TBC1D21: variants seen among roughly 807,000 people sequenced by gnomAD.
TBC1D21 encodes the protein male germ cell Rab GTPase-activating protein.
In TBC1D21, 38 loss-of-function variants were observed where a neutral mutation model predicts 46.0. That is an observed-to-expected ratio of 0.83 (90% CI 0.64 to 1.08). TBC1D21 has a LOEUF of 1.08. Ranked by LOEUF, TBC1D21 falls within the 50% of genes least tolerant of loss-of-function variation. The pLI is 0.00. For synonymous variants in TBC1D21, 151 were observed against 157.2 expected (o/e 0.96, Z 0.29); for missense variants, 415 against 417.9 (o/e 0.99, Z 0.06).
At position 73,876,235 on chromosome 15, in the gene TBC1D21, T is replaced by G. The variant is rs1287875506; in HGVS notation, c.60+2466T>G. ...TTTTTTTTTTTTTTTTTTTTTTTTT[T>G]TTTTTTTTTTGAGACGGAGTCTTGC... is the stretch of plus-strand genomic sequence containing the variant. On this transcript the variant is annotated intron_variant, in intron 1 of 10. Coordinates refer to ENST00000300504, the MANE Select transcript of TBC1D21 (RefSeq NM_153356.3). 6.0e-5 allele frequency among the ~76,000 whole-genome samples: 7 copies of G among 116,918 alleles called. No homozygotes were observed. In the East Asian group the frequency reaches 6.6e-4, roughly 11 times the overall value. 76.7% of individuals were successfully genotyped at this position (116,918 alleles called of 152,430 possible). A position where few individuals can be genotyped will look rare whatever the true frequency, so the allele number is the denominator to read the frequency against.
chr15:73,890,785 T>C (rs976595788), downstream of TBC1D21, among the ~76,000 whole-genome samples: 17 of 152,234 alleles, frequency 1.1e-4, no homozygotes, highest in African/African-American at 3.9e-4. Context: ...TTAAAAGCAC[T>C]GGAGCCCCTT....
chr15:73,906,046 G>A, the TBC1D21 span, among the ~76,000 whole-genome samples: 1 of 152,198 alleles, frequency 6.6e-6, no homozygotes, highest in Non-Finnish European at 1.5e-5. Context: ...TCACCAGCAG[G>A]GTGGATGGGA....
rs896034884 is a variant in TBC1D21 at position 73,888,941 on chromosome 15, C to T, written c.979-128C>T. 4.5e-6 allele frequency: 5 copies of T among 1,102,880 alleles called. No individual in the cohort carries two copies. The African/African-American group carries it at 7.7e-5, about 17-fold the overall frequency. 68.3% of individuals were successfully genotyped at this position (1,102,880 alleles called of 1,614,324 possible). On this transcript the variant is annotated intron_variant, in intron 10 of 10. Coordinates refer to ENST00000300504, the MANE Select transcript of TBC1D21 (RefSeq NM_153356.3). ...TACTTGAGAGCAGGGCCCTCATCCC[C>T]CATTCCCTGTGTCCATCCCAGTGGG...
At chr15:73,886,901 TC>T (rs1371643323) in intron 8 of TBC1D21, among the ~76,000 whole-genome samples, 2 of 152,148 alleles carry the variant, frequency 1.3e-5, no homozygotes, top group Non-Finnish European at 2.9e-5. Flanking sequence ...CAGCTCCACT[TC>T]CCCGCTGCCC....
chr15:73,881,806 C>T, intron 3 of TBC1D21, 59 bp downstream of exon 3: 1 of 1,464,188 alleles, frequency 6.8e-7, no homozygotes, highest in Non-Finnish European at 9.5e-7. Context: ...CAGGTGCTGC[C>T]TCCCCAGCCT....
Position 73,885,537 on chromosome 15 carries a change from TCA to T in TBC1D21, c.579+435_579+436del, listed in dbSNP as rs2068229163. On this transcript the variant is annotated intron_variant, in intron 6 of 10. Transcript: ENST00000300504. ...CTGAATTCCAGGCACACCAGGGGACTCAATAGTCCCCAGGGGCTCCCTCACTG... is the reference window on the plus strand; with the variant it reads ...CTGAATTCCAGGCACACCAGGGGACTATAGTCCCCAGGGGCTCCCTCACTG... 5.3e-5 allele frequency among the ~76,000 whole-genome samples: 8 copies of T among 152,172 alleles called. No individual in the cohort carries two copies. In the South Asian group the frequency reaches 1.7e-3, roughly 32 times the overall value.
chr15:73,888,804 C>A (rs2068306785), intron 10 of TBC1D21, among the ~76,000 whole-genome samples: 1 of 152,124 alleles, frequency 6.6e-6, no homozygotes, highest in Non-Finnish European at 1.5e-5. Context: ...GTGCATTCAA[C>A]TTCAGAGACA....
the TBC1D21 span, among the ~76,000 whole-genome samples, chr15:73,904,619 T>C: frequency 6.6e-6 from 1 of 151,964 alleles, no homozygotes; most frequent in Non-Finnish European, 1.5e-5. Flanking sequence ...AGAATCAGCT[T>C]GGGGGAAGGG....
intron 9 of TBC1D21, 103 bp downstream of exon 9, chr15:73,887,839 G>A: frequency 2.2e-6 from 2 of 923,382 alleles, no homozygotes; most frequent in South Asian, 3.0e-5. Flanking sequence ...CTGGGCACCA[G>A]TGCCACCTTT....
At chr15:73,894,106 C>G (rs1372047622), downstream of TBC1D21, among the ~76,000 whole-genome samples, 1 of 152,226 alleles carries the variant, frequency 6.6e-6, no homozygotes, top group Non-Finnish European at 1.5e-5. Flanking sequence ...GGTTACACAG[C>G]TAGTGATTTG....
At chr15:73,883,874 A>G (rs1257340022) in intron 3 of TBC1D21, among the ~76,000 whole-genome samples, 2 of 152,220 alleles carry the variant, frequency 1.3e-5, no homozygotes. Flanking sequence ...CCAGTGGCAG[A>G]CACCCCGTTA....
chr15:73,885,749 G>A (rs1411688751), intron 6 of TBC1D21, among the ~76,000 whole-genome samples: 1 of 151,672 alleles, frequency 6.6e-6, no homozygotes, highest in Non-Finnish European at 1.5e-5. Context: ...ATTGTGTGAG[G>A]GAAGAACTGG....
intron 4 of TBC1D21, 50 bp downstream of exon 4, chr15:73,884,295 AACCCTGCCCCCTTCTCAGCC>A: frequency 6.6e-7 from 1 of 1,516,278 alleles, no homozygotes; most frequent in South Asian, 1.1e-5. Flanking sequence ...GCTTGAAGCC[AACCCTGCCCCCTTCTCAGCC>A]ACTTCCAGGG....
intron 1 of TBC1D21, among the ~76,000 whole-genome samples, chr15:73,877,779 A>G (rs1383113450): frequency 6.6e-6 from 1 of 152,252 alleles, no homozygotes; most frequent in Non-Finnish European, 1.5e-5. Context: ...AGTACTCAAT[A>G]TAATTTACCA....
At chr15:73,898,232 C>T in the TBC1D21 span, among the ~76,000 whole-genome samples, 1 of 152,242 alleles carries the variant, frequency 6.6e-6, no homozygotes, top group Non-Finnish European at 1.5e-5. Context: ...CCGTGTGGCA[C>T]AGGGTGCAGC....
intron 2 of TBC1D21, 57 bp downstream of exon 2, chr15:73,881,563 G>A: frequency 6.2e-7 from 1 of 1,601,906 alleles, no homozygotes. Context: ...GGATGGGCAG[G>A]GGGCAGGTGT....
chr15:73,882,422 C>T (rs892861967), intron 3 of TBC1D21, among the ~76,000 whole-genome samples: 1 of 152,142 alleles, frequency 6.6e-6, no homozygotes, highest in East Asian at 1.9e-4. Flanking sequence ...CCCCTCTGTC[C>T]TTGGTTCACC....
chr15:73,891,336 C>G (rs1433097527), downstream of TBC1D21, among the ~76,000 whole-genome samples: 2 of 152,210 alleles, frequency 1.3e-5, no homozygotes, highest in Admixed American at 1.3e-4. Context: ...TTTCAGCATG[C>G]ATTTATTCAG....
At chr15:73,887,161 G>A (rs1465927438) in intron 8 of TBC1D21, among the ~76,000 whole-genome samples, 1 of 152,160 alleles carries the variant, frequency 6.6e-6, no homozygotes, top group Non-Finnish European at 1.5e-5. Flanking sequence ...CATCCACCTG[G>A]CATGTAGGGC....
Sources: allele counts gnomAD v4.1 joint callset (sites outside exome capture counted in the v4.1 genomes callset), GRCh38; gene constraint gnomAD v4.1.1; transcripts MANE v1.5; gene names NCBI Gene and HGNC (gene_info 2026-07-23, HGNC 2026-07-21).